OLFM2: variants seen among roughly 807,000 people sequenced by gnomAD.
The protein encoded by OLFM2 is olfactomedin 2, also known as noelin-2.
A neutral mutation model predicts 43.9 loss-of-function variants in OLFM2; 20 were observed. That is an observed-to-expected ratio of 0.46 (90% CI 0.32 to 0.66). The LOEUF is 0.66. Ranked by LOEUF, OLFM2 falls within the 30% of genes least tolerant of loss-of-function variation. OLFM2 has a pLI of 0.04. For synonymous variants in OLFM2, 268 were observed against 278.6 expected, an observed-to-expected ratio of 0.96 and a Z score of 0.38; for missense variants, 416 against 643.6, an observed-to-expected ratio of 0.65 and a Z score of 3.83.
At chr19:9,916,142 A>G (rs2046874596) in intron 1 of OLFM2, among the ~76,000 whole-genome samples, 1 of 152,164 alleles carries the variant, frequency 6.6e-6, no homozygotes, top group Non-Finnish European at 1.5e-5. Flanking sequence ...GGATCACTTG[A>G]GGCCAGGAGT....
chr19:9,928,187 G>A (rs1210405556), intron 1 of OLFM2, among the ~76,000 whole-genome samples: 1 of 151,558 alleles, frequency 6.6e-6, no homozygotes, highest in Non-Finnish European at 1.5e-5. Context: ...CTCTAGCCTG[G>A]TCAACAGAGC....
At chr19:9,896,531 G>C (rs773582959) in intron 1 of OLFM2, among the ~76,000 whole-genome samples, 1 of 152,166 alleles carries the variant, frequency 6.6e-6, no homozygotes, top group Non-Finnish European at 1.5e-5. Context: ...GAAAGTGCTG[G>C]GATTATAGGT....
chr19:9,873,202 G>A (rs965305217), intron 1 of OLFM2, among the ~76,000 whole-genome samples: 3 of 152,196 alleles, frequency 2.0e-5, no homozygotes, highest in Non-Finnish European at 4.4e-5. Flanking sequence ...GAGTGCAGTG[G>A]TGTAATCACG....
At chr19:9,906,121 C>T (rs2046784131) in intron 1 of OLFM2, among the ~76,000 whole-genome samples, 1 of 152,118 alleles carries the variant, frequency 6.6e-6, no homozygotes, top group South Asian at 2.1e-4. Flanking sequence ...TCACGGGGAC[C>T]AGGTAGGTCT....
chr19:9,860,900 G>C, intron 1 of OLFM2, 106 bp from the exon 2 acceptor site: 1 of 1,198,828 alleles, frequency 8.3e-7, no homozygotes, highest in Non-Finnish European at 1.1e-6. Context: ...CCTTTGCTGG[G>C]CTCCGGGCAT....
chr19:9,918,893 C>T (rs1056002375), intron 1 of OLFM2, among the ~76,000 whole-genome samples: 4 of 152,018 alleles, frequency 2.6e-5, no homozygotes, highest in Non-Finnish European at 5.9e-5. Context: ...CAAATGGGCA[C>T]GGGGGCTGTT....
intron 1 of OLFM2, among the ~76,000 whole-genome samples, chr19:9,930,932 C>T (rs2086478365): frequency 1.3e-5 from 2 of 152,060 alleles, no homozygotes; most frequent in South Asian, 4.1e-4. Flanking sequence ...TTACCCTGAC[C>T]TGGGCACCCC....
chr19:9,919,482 C>T (rs900088687), intron 1 of OLFM2, among the ~76,000 whole-genome samples: 3 of 144,676 alleles, frequency 2.1e-5, no homozygotes, highest in South Asian at 2.2e-4. Flanking sequence ...CTCATTTCTT[C>T]CTATTCATTT....
intron 1 of OLFM2, among the ~76,000 whole-genome samples, chr19:9,876,043 G>A (rs950013212): frequency 1.3e-5 from 2 of 151,912 alleles, no homozygotes; most frequent in Admixed American, 6.6e-5. Context: ...TCATCTCCCC[G>A]CCACCGAGGT....
chr19:9,880,708 A>G (rs2145454123), intron 1 of OLFM2, among the ~76,000 whole-genome samples: 1 of 152,304 alleles, frequency 6.6e-6, no homozygotes, highest in South Asian at 2.1e-4. Flanking sequence ...CCAATGAGAG[A>G]GGCCTCAAAA....
chr19:9,935,227 TAATG>T (rs1398712590), intron 1 of OLFM2, among the ~76,000 whole-genome samples: 15 of 152,188 alleles, frequency 9.9e-5, no homozygotes, highest in Admixed American at 9.8e-4. Context: ...AATTAGCACG[TAATG>T]AATGATCACT....
intron 1 of OLFM2, among the ~76,000 whole-genome samples, chr19:9,908,970 T>C (rs1010282393): frequency 4.6e-5 from 7 of 151,954 alleles, no homozygotes; most frequent in Non-Finnish European, 8.8e-5. Context: ...CCCCTCAAAG[T>C]GCTGAGATTA....
intron 1 of OLFM2, among the ~76,000 whole-genome samples, chr19:9,929,979 C>T (rs1028101510): frequency 6.6e-6 from 1 of 151,994 alleles, no homozygotes; most frequent in Non-Finnish European, 1.5e-5. Context: ...GCAGAGGTTG[C>T]GGTGAGCCGA....
intron 1 of OLFM2, among the ~76,000 whole-genome samples, chr19:9,863,747 T>A (rs2046380957): frequency 6.6e-6 from 1 of 152,156 alleles, no homozygotes; most frequent in South Asian, 2.1e-4. Flanking sequence ...GAGTCTTTTT[T>A]TTTTTAAGGC....
intron 1 of OLFM2, among the ~76,000 whole-genome samples, chr19:9,919,081 A>G (rs1048343099): frequency 5.3e-5 from 8 of 152,224 alleles, no homozygotes; most frequent in Admixed American, 2.0e-4. Flanking sequence ...TCACGCCTGT[A>G]ATCCCAGCAC....
chr19:9,915,578 C>T (rs1301329089), intron 1 of OLFM2, among the ~76,000 whole-genome samples: 3 of 151,716 alleles, frequency 2.0e-5, no homozygotes, highest in Admixed American at 6.6e-5. Context: ...AGTGCAGTGG[C>T]GTGATCTCGG....
At chr19:9,886,549 G>A (rs963965982) in intron 1 of OLFM2, among the ~76,000 whole-genome samples, 18 of 151,990 alleles carry the variant, frequency 1.2e-4, no homozygotes, top group South Asian at 6.3e-4. Context: ...CCCTGGCACC[G>A]AGTTCTGTCA....
intron 1 of OLFM2, among the ~76,000 whole-genome samples, chr19:9,927,364 A>G (rs2086459990): frequency 6.6e-6 from 1 of 152,094 alleles, no homozygotes; most frequent in Admixed American, 6.6e-5. Context: ...TCAGATCACA[A>G]CCTTTTCAAG....
intron 1 of OLFM2, among the ~76,000 whole-genome samples, chr19:9,907,031 G>A (rs1052625761): frequency 2.0e-5 from 3 of 152,140 alleles, no homozygotes; most frequent in African/African-American, 4.8e-5. Context: ...AATGGTGCTC[G>A]GGGGCAGAGG....
Sources: allele counts gnomAD v4.1 joint callset (sites outside exome capture counted in the v4.1 genomes callset), GRCh38; gene constraint gnomAD v4.1.1; transcripts MANE v1.5; gene names NCBI Gene and HGNC (gene_info 2026-07-23, HGNC 2026-07-21).